ZNF385D: variants seen among roughly 807,000 people sequenced by gnomAD.
ZNF385D encodes the protein zinc finger protein 385D, also known as zinc finger protein 659.
Under a neutral mutation model 35.8 loss-of-function variants are expected in ZNF385D, and 15 were observed. That is an observed-to-expected ratio of 0.42 (90% CI 0.28 to 0.64). The LOEUF is 0.64. Among genes scored for constraint, ZNF385D ranks in the 30% least tolerant of loss-of-function variants. The pLI, the probability that ZNF385D is intolerant of heterozygous loss-of-function variation, is 0.23. For missense variants in ZNF385D, 474 were observed against 494.6 expected, an observed-to-expected ratio of 0.96 and a Z score of 0.39; for synonymous variants, 212 against 186.8, an observed-to-expected ratio of 1.13 and a Z score of -1.10.
intron 3 of ZNF385D, among the ~76,000 whole-genome samples, chr3:21,937,087 C>T (rs1307451988): frequency 1.3e-5 from 2 of 152,016 alleles, no homozygotes; most frequent in African/African-American, 4.8e-5. Flanking sequence ...GTTAGCCTCA[C>T]AGCTGGAGTG....
intron 2 of ZNF385D, among the ~76,000 whole-genome samples, chr3:22,278,186 T>C (rs1701531007): frequency 6.6e-6 from 1 of 152,094 alleles, no homozygotes; most frequent in Admixed American, 6.6e-5. Flanking sequence ...AGGCATTTAA[T>C]ACGTTAAGTT....
At chr3:21,752,901 T>A (rs1295526142), upstream of ZNF385D, among the ~76,000 whole-genome samples, 2 of 152,186 alleles carry the variant, frequency 1.3e-5, no homozygotes, top group Admixed American at 1.3e-4. Flanking sequence ...GAACCATCTG[T>A]GGTAGAGCTT....
In ZNF385D at chr3:22,369,419, A is replaced by G. The variant is rs1006967664; in HGVS notation, c.106+3031T>C. Among the ~76,000 whole-genome samples the G allele has an allele frequency of 5.7e-4, 87 of 152,154 alleles. 1 individual carries two copies. The highest frequency in any genetic ancestry group is 9.7e-4 in the Non-Finnish European group (66 of 68,016). ...GTTCATAATTAGTTTCATTATTTTA[A>G]TACTCTTCTAAGGTTAAATATGTTA... On this transcript the variant is annotated intron_variant, in intron 2 of 5. Coordinates refer to the ZNF385D transcript ENST00000494108.
At chr3:21,464,125 C>T (rs1703357074) in intron 4 of ZNF385D, among the ~76,000 whole-genome samples, 2 of 152,128 alleles carry the variant, frequency 1.3e-5, no homozygotes, top group African/African-American at 4.8e-5. Context: ...TTACTGATTA[C>T]AATATTCTCA....
At chr3:21,846,658 ATGAC>A (rs1696024436) in intron 3 of ZNF385D, among the ~76,000 whole-genome samples, 1 of 151,984 alleles carries the variant, frequency 6.6e-6, no homozygotes, top group South Asian at 2.1e-4. Flanking sequence ...AGAATGGAAA[ATGAC>A]TGAGGTTTTC....
At chr3:22,284,412 G>T (rs1036097108) in intron 2 of ZNF385D, among the ~76,000 whole-genome samples, 1 of 151,694 alleles carries the variant, frequency 6.6e-6, no homozygotes, top group Non-Finnish European at 1.5e-5. Context: ...GGATGGTCTC[G>T]ATCTCCTGAC....
At chr3:21,764,890 A>G (rs1277682749) in intron 3 of ZNF385D, among the ~76,000 whole-genome samples, 1 of 151,982 alleles carries the variant, frequency 6.6e-6, no homozygotes, top group Non-Finnish European at 1.5e-5. Context: ...TTTTTTTCCA[A>G]TTGTCCACTT....
At chr3:22,043,442 T>C (rs1486630582) in intron 3 of ZNF385D, among the ~76,000 whole-genome samples, 1 of 152,202 alleles carries the variant, frequency 6.6e-6, no homozygotes, top group Non-Finnish European at 1.5e-5. Context: ...AACATGATTC[T>C]ATTTTAAAAC....
At chr3:21,508,630 C>T (rs965065487) in intron 4 of ZNF385D, among the ~76,000 whole-genome samples, 5 of 152,048 alleles carry the variant, frequency 3.3e-5, no homozygotes, top group Non-Finnish European at 5.9e-5. Flanking sequence ...GTTAAATATA[C>T]CTTTCCCAAA....
At chr3:21,665,066 C>T (rs757967297) in intron 1 of ZNF385D, 38 bp from the exon 2 acceptor site, 4 of 1,531,680 alleles carry the variant, frequency 2.6e-6, no homozygotes, top group Non-Finnish European at 3.5e-6. Flanking sequence ...TCAGGGACAC[C>T]ACGCATGGAA....
rs369118155 is a variant in ZNF385D, at chr3:22,288,187, C to T, written c.106+84263G>A. 4.6e-5 allele frequency among the ~76,000 whole-genome samples: 7 copies of T among 152,066 alleles called. No individual in the cohort carries two copies. The South Asian group carries it at 8.3e-4, about 18-fold the overall frequency. On this transcript the variant is annotated intron_variant, in intron 2 of 5. Transcript: ENST00000494108. ...GTTCTCTTGCTGTTTTCAAAATTTT[C>T]TAATTTTGATAATTTAAAATAATGT...
In ZNF385D at chr3:21,470,449, A is replaced by G. The variant is rs190324560; in HGVS notation, c.440-33246T>C. On this transcript the variant is annotated intron_variant, in intron 4 of 7. Coordinates refer to ENST00000281523, the MANE Select transcript of ZNF385D (RefSeq NM_024697.3). ...AGAGTAAAAAATGAGAAAACATTAT[A>G]TAAACTTACAAATAAACCTTTCTAA... is the stretch of plus-strand genomic sequence containing the variant. Among the ~76,000 whole-genome samples the G allele has an allele frequency of 3.0e-3, 459 of 152,304 alleles. 3 individuals are homozygous for G. The highest frequency in any genetic ancestry group is 4.3e-3 in the Non-Finnish European group (294 of 68,036).
chr3:21,481,062 A>C (rs1704596406), intron 4 of ZNF385D, among the ~76,000 whole-genome samples: 1 of 152,194 alleles, frequency 6.6e-6, no homozygotes, highest in Non-Finnish European at 1.5e-5. Context: ...AGGTGGTGAG[A>C]AACAAAAAGC....
chr3:21,456,361 G>T (rs1575177829), intron 4 of ZNF385D, among the ~76,000 whole-genome samples: 2 of 152,108 alleles, frequency 1.3e-5, no homozygotes, highest in Non-Finnish European at 2.9e-5. Flanking sequence ...GATAGACTGG[G>T]TTAAGAAAAC....
intron 2 of ZNF385D, among the ~76,000 whole-genome samples, chr3:22,218,896 C>T (rs1698066007): frequency 6.6e-6 from 1 of 151,878 alleles, no homozygotes; most frequent in African/African-American, 2.4e-5. Context: ...TCACTTTTTT[C>T]ATTAAAAAAT....
intron 2 of ZNF385D, among the ~76,000 whole-genome samples, chr3:22,177,419 C>A (rs1015004654): frequency 6.6e-6 from 1 of 152,002 alleles, no homozygotes; most frequent in African/African-American, 2.4e-5. Context: ...AAAGTAGGCA[C>A]CCTACAAGTT....
At chr3:22,059,970 G>A (rs1559338249) in intron 3 of ZNF385D, among the ~76,000 whole-genome samples, 1 of 152,144 alleles carries the variant, frequency 6.6e-6, no homozygotes, top group South Asian at 2.1e-4. Flanking sequence ...AGTGAAGGGA[G>A]GGTGACTTTT....
chr3:22,185,164 A>G (rs1192372390), intron 2 of ZNF385D, among the ~76,000 whole-genome samples: 3 of 151,984 alleles, frequency 2.0e-5, no homozygotes, highest in Admixed American at 6.6e-5. Flanking sequence ...AAAACTGAAA[A>G]GGTTGTAGAA....
chr3:21,640,908 G>C (rs1380645975), intron 2 of ZNF385D, among the ~76,000 whole-genome samples: 1 of 152,204 alleles, frequency 6.6e-6, no homozygotes, highest in Middle Eastern at 3.4e-3. Flanking sequence ...ATTCTTTCGT[G>C]TTTGTGACTG....
Sources: gnomAD v4.1 joint callset for allele counts (sites outside exome capture counted in the v4.1 genomes callset) on GRCh38, gnomAD v4.1.1 for gene constraint, MANE v1.5 for transcripts, NCBI Gene and HGNC (gene_info 2026-07-23, HGNC 2026-07-21) for gene names.